Variants in COL4A1 observed in about 807,000 individuals in gnomAD.
COL4A1 encodes collagen alpha-1(IV) chain.
COL4A1 carries 40 observed loss-of-function variants against 216.6 expected under a neutral mutation model. That is an observed-to-expected ratio of 0.18 (90% CI 0.14 to 0.24). The LOEUF (loss-of-function observed/expected upper bound fraction) is 0.24, where lower values mean the gene tolerates loss of function less well. Ranked by LOEUF, COL4A1 falls within the 10% of genes least tolerant of loss-of-function variation. The pLI is 1.00. For synonymous variants in COL4A1, 839 were observed against 810.7 expected (o/e 1.03, Z -0.59); for missense variants, 1,628 against 2,196.8 (o/e 0.74, Z 5.18).
intron 1 of COL4A1, among the ~76,000 whole-genome samples, chr13:110,291,043 T>A (rs1884066148): frequency 6.6e-6 from 1 of 152,192 alleles, no homozygotes; most frequent in South Asian, 2.1e-4. Context: ...CTGACCTGAA[T>A]CACGTGCACA....
chr13:110,161,492 A>G, intron 48 of COL4A1, 123 bp from the exon 49 acceptor site: 2 of 1,178,488 alleles, frequency 1.7e-6, no homozygotes, highest in Non-Finnish European at 2.4e-6. Context: ...CTGAAATGGA[A>G]ATGTATAAAG....
rs776465170 is a variant in COL4A1 at position 110,203,576 on chromosome 13, G to A, written c.989C>T (p.Pro330Leu). The A allele has an allele frequency of 3.7e-6, 6 of 1,613,802 alleles. No homozygotes were observed. The highest frequency in any genetic ancestry group is 1.1e-5 in the South Asian group (1 of 91,072). Residue 330 changes from proline to leucine, a missense_variant, in exon 18 of 52, where the codon CCA becomes CTA. Physicochemically the swap from Pro to Leu is moderately conservative, Grantham distance 98. Transcript: ENST00000375820. ...GEKGEAGPPG[P>L]PGIVIGTGPL... ...AGCACTCTTACTCACAATTCCAGGT[G>A]GGCCAGGAGGACCTGCTTCACCCTT...
chr13:110,247,666 A>T (rs1209956416), intron 1 of COL4A1, among the ~76,000 whole-genome samples: 4 of 151,812 alleles, frequency 2.6e-5, no homozygotes, highest in Non-Finnish European at 4.4e-5. Context: ...ACAGACCAAG[A>T]GGGCGCTCTT....
chr13:110,231,598 G>C (rs557441875), intron 2 of COL4A1, among the ~76,000 whole-genome samples: 1 of 152,280 alleles, frequency 6.6e-6, no homozygotes, highest in Non-Finnish European at 1.5e-5. Flanking sequence ...TTACTGGCTA[G>C]CATCTTCCAT....
At chr13:110,169,605 A>T (rs1877512905) in intron 43 of COL4A1, 24 bp downstream of exon 43, 2 of 1,613,622 alleles carry the variant, frequency 1.2e-6, no homozygotes, top group Non-Finnish European at 8.5e-7. Context: ...TTTAAAAATA[A>T]AAATCTACAA....
intron 2 of COL4A1, among the ~76,000 whole-genome samples, chr13:110,219,728 GTA>G (rs79968548): frequency 0.12 from 12,923 of 109,100 alleles, 778 homozygotes; most frequent in East Asian, 0.23. Context: ...ATATATGTGT[GTA>G]TATATATGTA....
In COL4A1 at chr13:110,155,429, C is replaced by T. The variant is rs617111; in HGVS notation, c.4641-32G>A. 0.021 allele frequency: 32,925 copies of T among 1,554,910 alleles called. 2,589 individuals carry two copies. The African/African-American group carries it at 0.25, about 12-fold the overall frequency. On this transcript the variant is annotated intron_variant, in intron 49 of 51. Transcript: ENST00000375820. ...GTGGAGCAGAGACACTCAGCACAGC[C>T]GGGGTGCAGGGCAGAGGCCGCCCTC...
Position 110,243,045 on chromosome 13 carries a change from C to T in COL4A1, c.85-311G>A, listed in dbSNP as rs142932645. On this transcript the variant is annotated intron_variant, in intron 1 of 51. Transcript: ENST00000375820. ...AATTTCTATTTGAAGTTGACTCCCT[C>T]GGGGATTAGTTTAACAGGGCAACAC... Among the ~76,000 whole-genome samples the T allele has an allele frequency of 3.3e-5, 5 of 152,320 alleles. No individual in the cohort carries two copies. In the East Asian group the frequency reaches 9.7e-4, roughly 29 times the overall value.
At chr13:110,305,249 A>G (rs1267862243) in intron 1 of COL4A1, among the ~76,000 whole-genome samples, 1 of 152,214 alleles carries the variant, frequency 6.6e-6, no homozygotes, top group Non-Finnish European at 1.5e-5. Flanking sequence ...GGACACTGCA[A>G]AGACAGTGGC....
At chr13:110,285,959 A>C (rs1883829181) in intron 1 of COL4A1, among the ~76,000 whole-genome samples, 1 of 152,158 alleles carries the variant, frequency 6.6e-6, no homozygotes, top group Non-Finnish European at 1.5e-5. Flanking sequence ...CCCCTGTCCA[A>C]AGCCTTGGTT....
At chr13:110,238,438 G>A (rs979363235) in intron 2 of COL4A1, among the ~76,000 whole-genome samples, 2 of 152,184 alleles carry the variant, frequency 1.3e-5, no homozygotes, top group Non-Finnish European at 1.5e-5. Context: ...TCACATGTAC[G>A]TGTGACAGAA....
intron 2 of COL4A1, among the ~76,000 whole-genome samples, chr13:110,226,428 C>T (rs9515170): frequency 0.24 from 35,787 of 152,088 alleles, 4,630 homozygotes; most frequent in Admixed American, 0.28. Flanking sequence ...CCCCAGATTA[C>T]TTCCTTACCC....
At chr13:110,253,537 A>G (rs1003381225) in intron 1 of COL4A1, among the ~76,000 whole-genome samples, 22 of 140,456 alleles carry the variant, frequency 1.6e-4, no homozygotes, top group African/African-American at 3.4e-4. Context: ...TTATAAGTAT[A>G]TATGTATTAC....
intron 29 of COL4A1, 30 bp downstream of exon 29, chr13:110,181,262 A>C: frequency 1.3e-6 from 2 of 1,598,092 alleles, no homozygotes; most frequent in African/African-American, 1.3e-5. Flanking sequence ...ATGGGGGAGA[A>C]GGGTCATGGA....
intron 2 of COL4A1, among the ~76,000 whole-genome samples, chr13:110,234,110 T>C (rs1881191341): frequency 6.6e-6 from 1 of 152,228 alleles, no homozygotes; most frequent in African/African-American, 2.4e-5. Flanking sequence ...TAAGTGCTCT[T>C]ATGTACAGTA....
rs532625 is a variant in COL4A1, at chr13:110,211,878, A to T, written c.432T>A (p.Ala144=). The T allele has an allele frequency of 0.47, 758,785 of 1,613,492 alleles. 180,476 individuals are homozygous for T. The highest frequency in any genetic ancestry group is 0.58 in the South Asian group (53,216 of 91,024). ...PLGPPGLPGF[A]GNPGPPGLPG... ...AATAACCTCTACTCACGGGATTTCCAGCGAAACCAGGCAAGCCAGGAGGCC... is the reference window on the plus strand; with the variant it reads ...AATAACCTCTACTCACGGGATTTCCTGCGAAACCAGGCAAGCCAGGAGGCC... The change falls in exon 7 of 52, where the codon GCT becomes GCA. Residue 144 remains alanine, a synonymous_variant. Transcript: ENST00000375820. The surrounding 1 kb of genome is among the most constrained non-coding windows in gnomAD (Gnocchi z 4.3).
chr13:110,175,402 C>T, intron 36 of COL4A1, 45 bp from the exon 37 acceptor site: 1 of 1,612,130 alleles, frequency 6.2e-7, no homozygotes, highest in South Asian at 1.1e-5. Context: ...TTAGCTAGTG[C>T]TGGTATTACA....
chr13:110,262,267 C>T (rs1440411155), intron 1 of COL4A1, among the ~76,000 whole-genome samples: 3 of 152,252 alleles, frequency 2.0e-5, no homozygotes, highest in Middle Eastern at 3.4e-3. Flanking sequence ...TGCACCTGCC[C>T]GCCAGCAAGT....
chr13:110,185,360 G>A (rs1431166958), intron 26 of COL4A1, among the ~76,000 whole-genome samples: 1 of 151,812 alleles, frequency 6.6e-6, no homozygotes, highest in Non-Finnish European at 1.5e-5. Context: ...TGGCCAGGCT[G>A]GTCTCCAATG....
Sources: allele counts gnomAD v4.1 joint callset (sites outside exome capture counted in the v4.1 genomes callset), GRCh38; gene constraint gnomAD v4.1.1; non-coding constraint Gnocchi (gnomAD v3.1); transcripts MANE v1.5; gene names NCBI Gene and HGNC (gene_info 2026-07-23, HGNC 2026-07-21).